EXOC6: variants seen among roughly 807,000 people sequenced by gnomAD.
EXOC6 encodes SEC15-like 1.
Under a neutral mutation model 112.5 loss-of-function variants are expected in EXOC6, and 60 were observed. The observed-to-expected ratio is 0.53, with a 90% CI of 0.43 to 0.66. EXOC6 has a LOEUF of 0.66. Ranked by LOEUF, EXOC6 falls within the 30% of genes least tolerant of loss-of-function variation. EXOC6 has a pLI of 0.00. For synonymous variants in EXOC6, 295 were observed against 308.0 expected, an observed-to-expected ratio of 0.96 and a Z score of 0.44; for missense variants, 855 against 957.1, an observed-to-expected ratio of 0.89 and a Z score of 1.41.
chr10:92,879,986 G>T (rs1251926846), intron 1 of EXOC6, among the ~76,000 whole-genome samples: 1 of 152,090 alleles, frequency 6.6e-6, no homozygotes, highest in Non-Finnish European at 1.5e-5. Context: ...TCAAAAAATA[G>T]GGAAATCTTA....
At chr10:92,920,099 G>A (rs2133907430) in intron 8 of EXOC6, 49 bp downstream of exon 8, 1 of 1,187,590 alleles carries the variant, frequency 8.4e-7, no homozygotes, top group East Asian at 2.7e-5. Flanking sequence ...TTATTTAAAA[G>A]GCATGTATGT....
At position 92,952,257 on chromosome 10, in the gene EXOC6, CT is replaced by C; in HGVS notation, c.1417-13del. On this transcript the variant is annotated splice_polypyrimidine_tract_variant and intron_variant, in intron 14 of 21. Coordinates refer to ENST00000260762, the MANE Select transcript of EXOC6 (RefSeq NM_019053.6). ...TCTAAAATTTCAAAAACAATATTAA[CT>C]TTCTTTTTCTACAGCAGTCTTTCCC... The C allele has an allele frequency of 3.3e-6, 5 of 1,497,994 alleles. No individual in the cohort carries two copies. The highest frequency in any genetic ancestry group is 3.7e-6 in the Non-Finnish European group (4 of 1,088,126). 92.8% of individuals were successfully genotyped at this position (1,497,994 alleles called of 1,614,324 possible). A position where few individuals can be genotyped will look rare whatever the true frequency, so the allele number is the denominator to read the frequency against.
chr10:92,842,665 C>T (rs929530779), intron 1 of EXOC6, among the ~76,000 whole-genome samples: 2 of 151,130 alleles, frequency 1.3e-5, no homozygotes, highest in Non-Finnish European at 2.9e-5. Flanking sequence ...GAGTAGGGAG[C>T]AGGGACAATT....
intron 1 of EXOC6, among the ~76,000 whole-genome samples, chr10:92,837,766 G>A (rs1382689996): frequency 6.6e-6 from 1 of 152,202 alleles, no homozygotes; most frequent in East Asian, 1.9e-4. Flanking sequence ...CCTGCCTTGA[G>A]GCCCCGGAAT....
chr10:93,017,720 TA>T (rs1844596339), intron 20 of EXOC6, among the ~76,000 whole-genome samples: 1 of 151,058 alleles, frequency 6.6e-6, no homozygotes, highest in African/African-American at 2.4e-5. Context: ...GCTATTGAAA[TA>T]AAATAAAAGG....
chr10:92,981,344 T>G (rs926234027), intron 18 of EXOC6, among the ~76,000 whole-genome samples: 1 of 152,226 alleles, frequency 6.6e-6, no homozygotes, highest in Non-Finnish European at 1.5e-5. Context: ...AGCACTGGTC[T>G]GTTTCTGGAA....
intron 20 of EXOC6, among the ~76,000 whole-genome samples, chr10:93,047,983 A>C (rs1394481701): frequency 2.6e-5 from 4 of 152,154 alleles, no homozygotes; most frequent in Non-Finnish European, 5.9e-5. Context: ...TGTGAGAGAA[A>C]AGACACAAAG....
intron 20 of EXOC6, among the ~76,000 whole-genome samples, chr10:93,030,413 A>C (rs899531229): frequency 6.6e-6 from 1 of 152,264 alleles, no homozygotes; most frequent in Non-Finnish European, 1.5e-5. Context: ...TAAAAAAAGC[A>C]TTCAGATAAT....
At chr10:92,835,218 G>C (rs1426287866) in intron 1 of EXOC6, among the ~76,000 whole-genome samples, 1 of 152,158 alleles carries the variant, frequency 6.6e-6, no homozygotes, top group Non-Finnish European at 1.5e-5. Flanking sequence ...AAAAAATGTA[G>C]ACCATTTATT....
chr10:92,840,026 A>T (rs1230303563), intron 1 of EXOC6, among the ~76,000 whole-genome samples: 1 of 152,110 alleles, frequency 6.6e-6, no homozygotes, highest in African/African-American at 2.4e-5. Flanking sequence ...CTGACCATGA[A>T]GTTTTATCAG....
At chr10:92,990,611 T>C (rs1589987552) in intron 18 of EXOC6, among the ~76,000 whole-genome samples, 1 of 152,134 alleles carries the variant, frequency 6.6e-6, no homozygotes, top group African/African-American at 2.4e-5. Flanking sequence ...GTTGAGACTG[T>C]TTTTCTGTGT....
intron 4 of EXOC6, among the ~76,000 whole-genome samples, chr10:92,895,877 TTAAA>T (rs1366929609): frequency 1.5e-5 from 2 of 135,170 alleles, no homozygotes; most frequent in Non-Finnish European, 3.2e-5. Context: ...TTTTTTTTTT[TTAAA>T]TATAGTAAGC....
chr10:92,963,414 C>G (rs1470913578), intron 17 of EXOC6, among the ~76,000 whole-genome samples: 1 of 152,132 alleles, frequency 6.6e-6, no homozygotes, highest in South Asian at 2.1e-4. Context: ...CTTACAGTAA[C>G]CTACCTTTGT....
intron 1 of EXOC6, among the ~76,000 whole-genome samples, chr10:92,835,128 T>C (rs578217826): frequency 6.6e-6 from 1 of 152,336 alleles, no homozygotes; most frequent in South Asian, 2.1e-4. Flanking sequence ...TTCTTTAACA[T>C]ATCACTTAGT....
intron 9 of EXOC6, among the ~76,000 whole-genome samples, chr10:92,930,231 A>G (rs1226552842): frequency 6.6e-6 from 1 of 152,196 alleles, no homozygotes; most frequent in Non-Finnish European, 1.5e-5. Context: ...GGCTGGGTGC[A>G]GTGGCTCACG....
At chr10:92,858,902 C>T (rs201856199) in intron 1 of EXOC6, among the ~76,000 whole-genome samples, 1 of 152,086 alleles carries the variant, frequency 6.6e-6, no homozygotes, top group East Asian at 1.9e-4. Context: ...AGTACCTGGA[C>T]TACAGGCGCA....
intron 18 of EXOC6, among the ~76,000 whole-genome samples, chr10:92,992,065 C>T (rs779010854): frequency 1.3e-5 from 2 of 151,636 alleles, no homozygotes; most frequent in Non-Finnish European, 2.9e-5. Context: ...TCAGGTGGGC[C>T]GATCCCCTGG....
chr10:92,977,210 G>A (rs2031616), intron 18 of EXOC6, among the ~76,000 whole-genome samples: 69,746 of 151,686 alleles, frequency 0.46, 16,952 homozygotes, highest in African/African-American at 0.61. Context: ...CTAGGCATAA[G>A]TAGGTTAATC....
upstream of EXOC6, among the ~76,000 whole-genome samples, chr10:92,847,273 ACAGT>A (rs1847083968): frequency 2.0e-5 from 3 of 152,258 alleles, no homozygotes; most frequent in African/African-American, 4.8e-5. Flanking sequence ...ATTGTCATTT[ACAGT>A]CATTTAACTG....
Sources: gnomAD v4.1 joint callset for allele counts (sites outside exome capture counted in the v4.1 genomes callset) on GRCh38, gnomAD v4.1.1 for gene constraint, MANE v1.5 for transcripts, NCBI Gene and HGNC (gene_info 2026-07-23, HGNC 2026-07-21) for gene names.